The following TRANK1 variants were observed in gnomAD, a reference collection of about 807,000 sequenced individuals.
TRANK1 encodes TPR and ankyrin repeat-containing protein 1.
TRANK1 carries 198 observed loss-of-function variants against 266.0 expected under a neutral mutation model. The observed-to-expected ratio is 0.74, with a 90% CI of 0.66 to 0.84. TRANK1 has a LOEUF of 0.84. TRANK1 is among the 40% of genes least tolerant of loss of function. The probability of loss-of-function intolerance (pLI) is 0.00; values close to 1 mark genes in which losing one functional copy is unlikely to be tolerated. For missense variants in TRANK1, 3,326 were observed against 3,634.6 expected, an observed-to-expected ratio of 0.92 and a Z score of 2.18; for synonymous variants, 1,396 against 1,384.1, an observed-to-expected ratio of 1.01 and a Z score of -0.19.
chr3:36,899,516 G>C (rs2079843929), intron 3 of TRANK1, among the ~76,000 whole-genome samples: 1 of 152,058 alleles, frequency 6.6e-6, no homozygotes, highest in Non-Finnish European at 1.5e-5. Flanking sequence ...AAATTAGCTG[G>C]GTATAGTGGC....
At position 36,865,024 on chromosome 3, in the gene TRANK1, G is replaced by GTT. The variant is rs34540496; in HGVS notation, c.1079-546_1079-545dup. 3.8e-3 allele frequency among the ~76,000 whole-genome samples: 452 copies of GTT among 119,768 alleles called. 6 individuals are homozygous for GTT. Among genetic ancestry groups the GTT allele is most frequent in the African/African-American group, 0.01 (309 of 29,674 alleles). 78.6% of individuals were successfully genotyped at this position (119,768 alleles called of 152,430 possible). Reference sequence around the variant, plus strand: ...TTTTGGGGGTTTTTTTGTTTTTTTGGTTTTTTTTTTTTTTTTTTTTTGAGA... The same window carrying GTT: ...TTTTGGGGGTTTTTTTGTTTTTTTGGTTTTTTTTTTTTTTTTTTTTTTTGAGA... On this transcript the variant is annotated intron_variant, in intron 9 of 23. Transcript: ENST00000645898.
intron 1 of TRANK1, among the ~76,000 whole-genome samples, chr3:36,917,159 C>G (rs536255367): frequency 6.6e-6 from 1 of 152,202 alleles, no homozygotes; most frequent in East Asian, 1.9e-4. Flanking sequence ...AATACATACA[C>G]TCACACCCAC....
At chr3:36,912,187 C>CAA (rs564300404) in intron 1 of TRANK1, among the ~76,000 whole-genome samples, 7 of 131,390 alleles carry the variant, frequency 5.3e-5, no homozygotes, top group Non-Finnish European at 9.8e-5. Flanking sequence ...GAGACTCTGT[C>CAA]AAAAAAAAAA....
chr3:36,900,971 A>T (rs1440298382), intron 3 of TRANK1, among the ~76,000 whole-genome samples: 1 of 151,836 alleles, frequency 6.6e-6, no homozygotes, highest in Admixed American at 6.6e-5. Context: ...ATTTGTTTTA[A>T]CTTTCATTTT....
At chr3:36,850,137 A>C in intron 15 of TRANK1, 1 of 985,448 alleles carries the variant, frequency 1.0e-6, no homozygotes, top group Non-Finnish European at 1.2e-6. Context: ...TAAAGAACAG[A>C]AACAACAAAG....
intron 18 of TRANK1, among the ~76,000 whole-genome samples, chr3:36,840,818 G>A (rs369758747): frequency 1.3e-5 from 2 of 152,154 alleles, no homozygotes; most frequent in East Asian, 1.9e-4. Flanking sequence ...GACACATGAG[G>A]TGCTCAGCTG....
intron 17 of TRANK1, among the ~76,000 whole-genome samples, chr3:36,845,535 G>A (rs959664770): frequency 2.8e-4 from 43 of 152,200 alleles, no homozygotes; most frequent in Middle Eastern, 3.4e-3. Flanking sequence ...ACATACATAC[G>A]CATGCATAAA....
chr3:36,920,564 T>G (rs1408978562), intron 1 of TRANK1, among the ~76,000 whole-genome samples: 2 of 152,222 alleles, frequency 1.3e-5, no homozygotes, highest in Non-Finnish European at 2.9e-5. Context: ...TGGATAAGCT[T>G]CTAGAAGAGA....
intron 18 of TRANK1, 143 bp from the exon 19 acceptor site, chr3:36,838,859 G>A (rs1379692836): frequency 3.8e-6 from 3 of 785,958 alleles, no homozygotes; most frequent in Non-Finnish European, 2.0e-6. Context: ...GCAGGAAGGT[G>A]CAGATATTCT....
At position 36,944,912 on chromosome 3, in the gene TRANK1, G is replaced by T; in HGVS notation, c.-103C>A. The T allele has an allele frequency of 8.1e-7, 1 of 1,239,074 alleles. No individual in the cohort carries two copies. The highest frequency in any genetic ancestry group is 1.0e-6 in the Non-Finnish European group (1 of 957,010). The allele number at this position is 1,239,074 out of a possible 1,614,324, so 76.8% of individuals were successfully genotyped here. ...GTGCGGAAGCCCGAAAGCTACCGGA[G>T]CCCGGGGCAGGGGCGGCGCGATGCA... On this transcript the variant is annotated 5_prime_UTR_variant, in exon 1 of 24. Coordinates refer to ENST00000645898, the MANE Select transcript of TRANK1 (RefSeq NM_001329998.2).
intron 1 of TRANK1, among the ~76,000 whole-genome samples, chr3:36,925,143 C>G (rs1321084340): frequency 6.6e-6 from 1 of 152,158 alleles, no homozygotes; most frequent in African/African-American, 2.4e-5. Flanking sequence ...CTTTTCCTCT[C>G]TGTTCCTTTC....
At chr3:36,880,322 T>C (rs2079512673) in intron 8 of TRANK1, 1 of 398,496 alleles carries the variant, frequency 2.5e-6, no homozygotes. Context: ...GAAACATCGA[T>C]TCTCCACTGC....
intron 18 of TRANK1, among the ~76,000 whole-genome samples, chr3:36,840,903 G>A (rs773678784): frequency 6.6e-6 from 1 of 152,218 alleles, no homozygotes; most frequent in Non-Finnish European, 1.5e-5. Context: ...CTTGTGTTAA[G>A]CCACTATGTT....
At chr3:36,886,117 TTTG>T (rs1172887468) in intron 8 of TRANK1, among the ~76,000 whole-genome samples, 22 of 147,294 alleles carry the variant, frequency 1.5e-4, no homozygotes, top group East Asian at 1.0e-3. Flanking sequence ...CCCTTCTTTT[TTTG>T]TTGTTGTTGT....
At chr3:36,855,026 G>T (rs902264023) in intron 13 of TRANK1, 147 bp downstream of exon 13, 21 of 701,514 alleles carry the variant, frequency 3.0e-5, no homozygotes, top group African/African-American at 5.4e-5. Context: ...ACTATCTCTT[G>T]TCCATGAGCG....
In TRANK1 at chr3:36,831,209, C is replaced by G; in HGVS notation, c.8374G>C (p.Gly2792Arg). 1.2e-6 allele frequency: 2 copies of G among 1,613,938 alleles called. No homozygotes were observed. Among genetic ancestry groups the G allele is most frequent in the Non-Finnish European group, 8.5e-7 (1 of 1,179,900 alleles). The change falls in exon 22 of 24, where the codon GGG becomes CGG. Residue 2792 changes from glycine to arginine, a missense_variant. Coordinates refer to ENST00000645898, the MANE Select transcript of TRANK1 (RefSeq NM_001329998.2). This position sits in a 1 kb window ranked among gnomAD's most constrained non-coding sequence, Gnocchi z 5.0. ...NYFSPSKAFEGAASEVAVLSR... is the reference protein window; with the variant it reads ...NYFSPSKAFERAASEVAVLSR... ...AGGACTGCCACCTCGGAAGCTGCCC[C>G]CTCAAACGCTTTGCTGGGGCTGAAA...
intron 3 of TRANK1, among the ~76,000 whole-genome samples, chr3:36,901,703 G>A (rs2125622375): frequency 6.6e-6 from 1 of 152,274 alleles, no homozygotes; most frequent in African/African-American, 2.4e-5. Context: ...TGCCTGTAGA[G>A]GACAATTGCG....
intron 1 of TRANK1, among the ~76,000 whole-genome samples, chr3:36,940,166 T>A (rs1451845047): frequency 6.6e-6 from 1 of 151,510 alleles, no homozygotes; most frequent in South Asian, 2.1e-4. Context: ...ATTACAGGCA[T>A]GACCCACCGC....
chr3:36,845,748 GAATTT>G (rs1158872958), intron 17 of TRANK1, among the ~76,000 whole-genome samples: 1 of 152,124 alleles, frequency 6.6e-6, no homozygotes, highest in Non-Finnish European at 1.5e-5. Context: ...TGAAAGAAAT[GAATTT>G]AGCCTTTCCC....
Sources: gnomAD v4.1 joint callset for allele counts (sites outside exome capture counted in the v4.1 genomes callset) on GRCh38, gnomAD v4.1.1 for gene constraint, Gnocchi (gnomAD v3.1) non-coding constraint, MANE v1.5 for transcripts, NCBI Gene and HGNC (gene_info 2026-07-23, HGNC 2026-07-21) for gene names.